UBP1: variants seen among roughly 807,000 people sequenced by gnomAD.
UBP1 encodes the protein upstream-binding protein 1.
UBP1 carries 22 observed loss-of-function variants against 76.1 expected under a neutral mutation model. The observed-to-expected ratio is 0.29, with a 90% CI of 0.21 to 0.41. UBP1 has a LOEUF of 0.41. UBP1 is among the 10% of genes least tolerant of loss of function. The pLI, the probability that UBP1 is intolerant of heterozygous loss-of-function variation, is 1.00. For synonymous variants in UBP1, 224 were observed against 237.1 expected (o/e 0.94, Z 0.51); for missense variants, 436 against 668.1 (o/e 0.65, Z 3.83).
rs2044280348 is a variant in UBP1, at chr3:33,402,830, T to C, written c.1002A>G (p.Pro334=). 9 of 1,604,216 alleles carry C rather than the reference T, an allele frequency of 5.6e-6. No homozygotes were observed. The highest frequency in any genetic ancestry group is 1.3e-5 in the African/African-American group (1 of 74,370). The change falls in exon 9 of 16, where the codon CCA becomes CCG. Residue 334 remains proline, a synonymous_variant. Coordinates refer to ENST00000283629, the MANE Select transcript of UBP1 (RefSeq NM_014517.5). Reference sequence around the variant, plus strand: ...CTGGGACACTGCAAGTGCTCTGCTGTGGGGAGGTGAAAGTGGGCGCTGGGG... The same window carrying C: ...CTGGGACACTGCAAGTGCTCTGCTGCGGGGAGGTGAAAGTGGGCGCTGGGG... The part of the protein sequence containing the change: ...SPSPAPTFTS[P]QQSTCSVPDS...
chr3:33,392,770 C>T (rs1028665031), intron 14 of UBP1, 156 bp from the exon 15 acceptor site: 8 of 648,718 alleles, frequency 1.2e-5, no homozygotes, highest in East Asian at 2.8e-5. Context: ...AAGATGCACA[C>T]GTGCTGCACT....
chr3:33,411,431 C>G, intron 5 of UBP1, 150 bp downstream of exon 5: 1 of 618,878 alleles, frequency 1.6e-6, no homozygotes. Context: ...GGTGAACTTA[C>G]TAGATTAAAC....
At chr3:33,440,877 C>T (rs1027812482), upstream of UBP1, 5 of 152,282 alleles carry the variant, frequency 3.3e-5, no homozygotes, top group Non-Finnish European at 5.9e-5. Context: ...CCGGTCGTCT[C>T]TGCTTTATGC....
intron 11 of UBP1, among the ~76,000 whole-genome samples, chr3:33,399,871 G>A (rs1388701703): frequency 1.3e-5 from 2 of 152,126 alleles, no homozygotes; most frequent in Non-Finnish European, 2.9e-5. Flanking sequence ...GTAACTTACT[G>A]TAAAACAAAA....
At position 33,425,649 on chromosome 3, in the gene UBP1, C is replaced by T. The variant is rs751143908; in HGVS notation, c.206G>A (p.Cys69Tyr). Residue 69 changes from cysteine to tyrosine, a missense_variant, in exon 2 of 16, where the codon TGT becomes TAT. By Grantham distance (194) the Cys-to-Tyr change is radical (BLOSUM62 -2). Transcript: ENST00000283629. ...TEHPPFQYVMCAATSPAVKLH... is the reference protein window; with the variant it reads ...TEHPPFQYVMYAATSPAVKLH... Reference sequence around the variant, plus strand: ...TTTTACTGCTGGTGACGTTGCAGCACACATCACATACTGAAAGGGTGGGTG... The same window carrying T: ...TTTTACTGCTGGTGACGTTGCAGCATACATCACATACTGAAAGGGTGGGTG... 1 of 1,602,774 alleles carries T rather than the reference C, an allele frequency of 6.2e-7. No individual in the cohort carries two copies. The highest frequency in any genetic ancestry group is 8.5e-7 in the Non-Finnish European group (1 of 1,171,446).
At position 33,398,691 on chromosome 3, in the gene UBP1, T is replaced by C. The variant is rs148153295; in HGVS notation, c.1180+1498A>G. ...AAGGAAAAGGCAGAAGGCCACGCCA[T>C]GTGATCACTGCTCACAGCGAAAGGG... On this transcript the variant is annotated intron_variant, in intron 11 of 15. Coordinates refer to ENST00000283629, the MANE Select transcript of UBP1 (RefSeq NM_014517.5). 3.9e-5 allele frequency among the ~76,000 whole-genome samples: 6 copies of C among 152,352 alleles called. 1 individual carries two copies. Among genetic ancestry groups the C allele is most frequent in the African/African-American group, 1.4e-4 (6 of 41,600 alleles).
At chr3:33,433,147 AC>A (rs773238449) in intron 1 of UBP1, among the ~76,000 whole-genome samples, 2 of 150,112 alleles carry the variant, frequency 1.3e-5, no homozygotes, top group Non-Finnish European at 3.0e-5. Context: ...TGCAACCTCC[AC>A]CTCCCGGGAT....
chr3:33,425,761 C>T lies in UBP1; in HGVS notation c.114-20G>A, dbSNP rs111268915. On this transcript the variant is annotated intron_variant, in intron 1 of 15. Coordinates refer to ENST00000283629, the MANE Select transcript of UBP1 (RefSeq NM_014517.5). ...ACATCACTGAAAAGCAAAAAATCAA[C>T]ACTGACCTTACTTTGGGTTTGAAAT... 2.6e-5 allele frequency: 41 copies of T among 1,561,088 alleles called. 1 individual carries two copies. In the Middle Eastern group the frequency reaches 5.1e-4, roughly 19 times the overall value.
chr3:33,409,365 T>C lies in UBP1; in HGVS notation c.709-19A>G. ...CTTTAGGCTTAAAAACAAAGTATAC[T>C]ATTTCATCTATCAGGCTGCAGACAC... On this transcript the variant is annotated intron_variant, in intron 6 of 15. Coordinates refer to ENST00000283629, the MANE Select transcript of UBP1 (RefSeq NM_014517.5). 6.2e-7 allele frequency: 1 copy of C among 1,614,034 alleles called. No homozygotes were observed. Among genetic ancestry groups the C allele is most frequent in the Non-Finnish European group, 8.5e-7 (1 of 1,179,968 alleles).
Position 33,400,263 on chromosome 3 carries a change from G to A in UBP1, c.1106C>T (p.Thr369Met), listed in dbSNP as rs1351335682. The A allele has an allele frequency of 5.0e-6, 8 of 1,600,318 alleles. No individual in the cohort carries two copies. The highest frequency in any genetic ancestry group is 1.4e-5 in the African/African-American group (1 of 73,938). ...TSGEQIQPSA[T>M]IQETQQWLLK... is the part of the protein sequence containing the mutation. ...CAGCCATTGCTGTGTTTCCTGGATC[G>A]TAGCTGAAGGCTGAATTTGCTATTA... The change falls in exon 11 of 16, where the codon ACG becomes ATG. Residue 369 changes from threonine (T) to methionine (M), a missense_variant. This residue lies in a region of UBP1 where 210 missense variants were observed against 272.8 expected (regional missense o/e 0.77). Transcript: ENST00000283629.
At chr3:33,440,869 G>A (rs1388120629), upstream of UBP1, 1 of 152,244 alleles carries the variant, frequency 6.6e-6, no homozygotes, top group Non-Finnish European at 1.5e-5. Flanking sequence ...GGTATTTCCC[G>A]GTCGTCTCTG....
rs1248044029 is a variant in UBP1 at position 33,416,543 on chromosome 3, C to G, written c.342+215G>C. On this transcript the variant is annotated intron_variant, in intron 3 of 15. Transcript: ENST00000283629. ...TTTTTTACCCCATAACTACAACTAA[C>G]TTTTCTATTGCTCCTTGATTTCCAA... Among the ~76,000 whole-genome samples the G allele has an allele frequency of 5.3e-5, 8 of 152,284 alleles. No individual in the cohort carries two copies. The East Asian group carries it at 1.5e-3, about 29-fold the overall frequency.
intron 1 of UBP1, among the ~76,000 whole-genome samples, chr3:33,426,706 T>G (rs1304127247): frequency 6.6e-6 from 1 of 152,206 alleles, no homozygotes; most frequent in African/African-American, 2.4e-5. Context: ...GTGACTGGCT[T>G]CTTTCACTTA....
Position 33,411,656 on chromosome 3 carries a change from T to G in UBP1, c.480A>C (p.Thr160=). ...DIPMSVGIID[T]RTNPSQLNAV... ...CATTTAACTGGCTTGGATTCGTCCT[T>G]GTGTCAATTATTCCCACAGACATTG... The change falls in exon 5 of 16, where the codon ACA becomes ACC. Residue 160 remains threonine, a synonymous_variant. Coordinates refer to ENST00000283629, the MANE Select transcript of UBP1 (RefSeq NM_014517.5). The G allele has an allele frequency of 1.2e-6, 2 of 1,614,150 alleles. No individual in the cohort carries two copies. Among genetic ancestry groups the G allele is most frequent in the Non-Finnish European group, 1.7e-6 (2 of 1,179,994 alleles).
At chr3:33,393,794 G>A (rs1360530510) in intron 13 of UBP1, among the ~76,000 whole-genome samples, 2 of 152,044 alleles carry the variant, frequency 1.3e-5, no homozygotes, top group Non-Finnish European at 2.9e-5. Flanking sequence ...AACAGGAATT[G>A]GCTGCAAATG....
chr3:33,435,451 T>G (rs191406573), intron 1 of UBP1, among the ~76,000 whole-genome samples: 4 of 152,290 alleles, frequency 2.6e-5, no homozygotes, highest in Non-Finnish European at 2.9e-5. Context: ...CTGGCCAACA[T>G]AGCAAGACCT....
chr3:33,407,261 A>G (rs2044451407), intron 8 of UBP1, among the ~76,000 whole-genome samples: 1 of 152,232 alleles, frequency 6.6e-6, no homozygotes, highest in Admixed American at 6.5e-5. Context: ...TTTAGACTTA[A>G]GAATCATTAA....
At chr3:33,425,274 T>A (rs2044992907) in intron 2 of UBP1, among the ~76,000 whole-genome samples, 1 of 152,196 alleles carries the variant, frequency 6.6e-6, no homozygotes, top group Non-Finnish European at 1.5e-5. Flanking sequence ...GACTTCTGAT[T>A]CATTCTCAAG....
chr3:33,440,510 G>C (rs2045280834), upstream of UBP1: 1 of 144,734 alleles, frequency 6.9e-6, no homozygotes, highest in Admixed American at 6.9e-5. Flanking sequence ...TCGCGGCCCA[G>C]GAACTGTCCA....
Sources: gnomAD v4.1 joint callset for allele counts (sites outside exome capture counted in the v4.1 genomes callset) on GRCh38, gnomAD v4.1.1 for gene constraint, gnomAD v4.1.1 regional missense constraint, MANE v1.5 for transcripts, NCBI Gene and HGNC (gene_info 2026-07-23, HGNC 2026-07-21) for gene names.